PTPRG: variants seen among roughly 807,000 people sequenced by gnomAD.
PTPRG encodes receptor-type tyrosine-protein phosphatase gamma.
In PTPRG, 102 loss-of-function variants were observed where a neutral mutation model predicts 165.3. That is an observed-to-expected ratio of 0.62 (90% CI 0.53 to 0.73). The LOEUF (loss-of-function observed/expected upper bound fraction) is 0.73, where lower values mean the gene tolerates loss of function less well. Ranked by LOEUF, PTPRG falls within the 30% of genes least tolerant of loss-of-function variation. The probability of loss-of-function intolerance (pLI) is 0.00; values close to 1 mark genes in which losing one functional copy is unlikely to be tolerated. For synonymous variants in PTPRG, 675 were observed against 669.5 expected (o/e 1.01, Z -0.13); for missense variants, 1,866 against 1,861.4 (o/e 1.00, Z -0.05).
At chr3:61,905,298 A>ACC (rs2038613932) in intron 2 of PTPRG, among the ~76,000 whole-genome samples, 1 of 151,804 alleles carries the variant, frequency 6.6e-6, no homozygotes, top group Admixed American at 6.6e-5. Flanking sequence ...TGAGCTCACA[A>ACC]CCCCCAAGAT....
intron 2 of PTPRG, among the ~76,000 whole-genome samples, chr3:61,915,616 A>G (rs901142661): frequency 6.6e-6 from 1 of 152,206 alleles, no homozygotes; most frequent in Non-Finnish European, 1.5e-5. Context: ...TTCAGAAGCT[A>G]TAGTTTAAGC....
rs182933548 is a variant in PTPRG, at chr3:61,971,345, C to G, written c.191-18280C>G. ...TACCTGGCCATATCTGAGTGAAGGA[C>G]AGTTGAAGTACTTGGTCTCATTGGG... On this transcript the variant is annotated intron_variant, in intron 2 of 29. Transcript: ENST00000474889. Among the ~76,000 whole-genome samples the G allele has an allele frequency of 4.6e-5, 7 of 152,280 alleles. No individual in the cohort carries two copies. In the East Asian group the frequency reaches 1.4e-3, roughly 29 times the overall value.
At chr3:61,889,711 A>T (rs988150024) in intron 2 of PTPRG, among the ~76,000 whole-genome samples, 4 of 152,184 alleles carry the variant, frequency 2.6e-5, no homozygotes, top group Non-Finnish European at 5.9e-5. Context: ...GTTTTTAAGG[A>T]GGGATGGCAT....
Position 62,218,917 on chromosome 3 carries a change from T to C in PTPRG, c.2222T>C (p.Leu741Pro). Residue 741 changes from leucine to proline, a missense_variant, in exon 13 of 30, where the codon CTG becomes CCG. Physicochemically the swap from Leu to Pro is moderately conservative, Grantham distance 98 (BLOSUM62 -3). Around this residue, in one of 3 missense-constraint regions of PTPRG, gnomAD observed 1,452 missense variants for 1,463.0 expected, o/e 0.99. Coordinates refer to ENST00000474889, the MANE Select transcript of PTPRG (RefSeq NM_002841.4). Reference sequence around the variant, plus strand: ...GGGAGGATGGAGTGGATCATCCCTCTGATTGTGGTATCAGCCTTGACCTTC... The same window carrying C: ...GGGAGGATGGAGTGGATCATCCCTCCGATTGTGGTATCAGCCTTGACCTTC... ...APGRMEWIIP[L>P]IVVSALTFVC... The C allele has an allele frequency of 1.2e-6, 2 of 1,614,120 alleles. No homozygotes were observed. Among genetic ancestry groups the C allele is most frequent in the South Asian group, 1.1e-5 (1 of 91,068 alleles).
At position 61,887,170 on chromosome 3, in the gene PTPRG, A is replaced by ATATATATATATT. The variant is rs60282456; in HGVS notation, c.191-102454_191-102453insATATATATATTT. Among the ~76,000 whole-genome samples the ATATATATATATT allele has an allele frequency of 1.3e-4, 15 of 115,526 alleles. 1 individual carries two copies. In the East Asian group the frequency reaches 1.3e-3, roughly 10 times the overall value. The allele number at this position is 115,526 out of a possible 152,430, so 75.8% of individuals were successfully genotyped here. On this transcript the variant is annotated intron_variant, in intron 2 of 29. Coordinates refer to ENST00000474889, the MANE Select transcript of PTPRG (RefSeq NM_002841.4). ...TATATATATATATATATATATATATATTTTTAATGCCATCATCAAACACTC... is the reference window on the plus strand; with the variant it reads ...TATATATATATATATATATATATATATATATATATATTTTTTTAATGCCATCATCAAACACTC...
chr3:61,988,757 C>G (rs1354730487), intron 2 of PTPRG, among the ~76,000 whole-genome samples: 2 of 152,234 alleles, frequency 1.3e-5, no homozygotes, highest in African/African-American at 4.8e-5. Context: ...GTTGTGTCAA[C>G]AAGGTTAAAA....
chr3:61,771,261 AT>A (rs2034199221), intron 2 of PTPRG: 3 of 152,004 alleles, frequency 2.0e-5, no homozygotes, highest in African/African-American at 7.2e-5. Context: ...AGGTCAGAAA[AT>A]CTGCCAAGTT....
intron 4 of PTPRG, 89 bp from the exon 5 acceptor site, chr3:62,078,074 T>A: frequency 1.2e-6 from 1 of 820,680 alleles, no homozygotes. Flanking sequence ...TATTAGCAAC[T>A]GGGGAATATA....
chr3:61,861,097 T>G (rs2037257395), intron 2 of PTPRG, among the ~76,000 whole-genome samples: 1 of 151,854 alleles, frequency 6.6e-6, no homozygotes, highest in South Asian at 2.1e-4. Flanking sequence ...TGTCTGGTTT[T>G]CTGGACAATC....
intron 5 of PTPRG, among the ~76,000 whole-genome samples, chr3:62,081,261 C>G (rs6765019): frequency 1.4e-5 from 1 of 70,262 alleles, no homozygotes; most frequent in Non-Finnish European, 3.2e-5. Context: ...CGTCTCAAAA[C>G]AAACAAACAA....
intron 5 of PTPRG, chr3:62,124,492 C>G: frequency 1.9e-6 from 3 of 1,603,034 alleles, no homozygotes; most frequent in Non-Finnish European, 2.6e-6. Flanking sequence ...AGCAGTCATT[C>G]ATGTTTTACA....
At chr3:62,000,732 A>T (rs1453466386) in intron 3 of PTPRG, among the ~76,000 whole-genome samples, 1 of 150,954 alleles carries the variant, frequency 6.6e-6, no homozygotes, top group African/African-American at 2.5e-5. Flanking sequence ...GCTTTAAAGT[A>T]TAACTTTCTC....
At chr3:62,046,239 G>A (rs1367506751) in intron 4 of PTPRG, among the ~76,000 whole-genome samples, 2 of 146,432 alleles carry the variant, frequency 1.4e-5, no homozygotes, top group Admixed American at 7.1e-5. Flanking sequence ...TTGATTGGTG[G>A]TATCAGTTCA....
intron 4 of PTPRG, among the ~76,000 whole-genome samples, chr3:62,005,319 C>A (rs182805244): frequency 6.6e-6 from 1 of 152,108 alleles, no homozygotes; most frequent in Non-Finnish European, 1.5e-5. Flanking sequence ...GCTTTATTTC[C>A]ACTTGGAAAA....
chr3:62,289,533 T>A lies in PTPRG; in HGVS notation c.4056-2888T>A, dbSNP rs190761653. Among the ~76,000 whole-genome samples the A allele has an allele frequency of 2.8e-3, 420 of 152,114 alleles. 2 individuals are homozygous for A. The highest frequency in any genetic ancestry group is 9.6e-3 in the African/African-American group (400 of 41,516). Reference sequence around the variant, plus strand: ...AGCTGTCTAATAAAACCCAGTATATTAAAAGAATTACACATCATGAAAAAC... The same window carrying A: ...AGCTGTCTAATAAAACCCAGTATATAAAAAGAATTACACATCATGAAAAAC... On this transcript the variant is annotated intron_variant, in intron 28 of 29. Coordinates refer to ENST00000474889, the MANE Select transcript of PTPRG (RefSeq NM_002841.4).
chr3:62,228,826 T>C lies in PTPRG; in HGVS notation c.2289-2399T>C, dbSNP rs1201393722. Among the ~76,000 whole-genome samples the C allele has an allele frequency of 6.6e-6, 1 of 152,214 alleles. No homozygotes were observed. Among genetic ancestry groups the C allele is most frequent in the Non-Finnish European group, 1.5e-5 (1 of 68,034 alleles). On this transcript the variant is annotated intron_variant, in intron 13 of 29. Coordinates refer to ENST00000474889, the MANE Select transcript of PTPRG (RefSeq NM_002841.4). This position sits in a 1 kb window ranked among gnomAD's most constrained non-coding sequence, Gnocchi z 4.1. Reference sequence around the variant, plus strand: ...TAGGTTTATATAAAACTTTGTCTAGTTTGGAAAACTCTGAGCTTCCAAGTC... The same window carrying C: ...TAGGTTTATATAAAACTTTGTCTAGCTTGGAAAACTCTGAGCTTCCAAGTC...
chr3:61,929,768 A>G (rs1355895486), intron 2 of PTPRG, among the ~76,000 whole-genome samples: 1 of 152,182 alleles, frequency 6.6e-6, no homozygotes, highest in Non-Finnish European at 1.5e-5. Flanking sequence ...AGCAAGAGCG[A>G]GCAGTGGGTT....
At chr3:61,564,658 C>CA (rs1379630439) in intron 1 of PTPRG, among the ~76,000 whole-genome samples, 1 of 152,196 alleles carries the variant, frequency 6.6e-6, no homozygotes, top group African/African-American at 2.4e-5. Flanking sequence ...GTTAAAATAT[C>CA]AGAGCTCTGG....
At chr3:61,761,582 C>T (rs866271773) in intron 2 of PTPRG, among the ~76,000 whole-genome samples, 1 of 128,528 alleles carries the variant, frequency 7.8e-6, no homozygotes, top group African/African-American at 2.8e-5. Flanking sequence ...CGCCTCAAAA[C>T]AAAGAAACAA....
Sources: gnomAD v4.1 joint callset for allele counts (sites outside exome capture counted in the v4.1 genomes callset) on GRCh38, gnomAD v4.1.1 for gene constraint, gnomAD v4.1.1 regional missense constraint, Gnocchi (gnomAD v3.1) non-coding constraint, MANE v1.5 for transcripts, NCBI Gene and HGNC (gene_info 2026-07-23, HGNC 2026-07-21) for gene names.